Variants in BMAL1 observed in about 807,000 individuals in gnomAD.
BMAL1 encodes the protein basic helix-loop-helix ARNT-like protein 1.
chr11:13,319,443 C>G, the BMAL1 span, among the ~76,000 whole-genome samples: 2 of 152,162 alleles, frequency 1.3e-5, no homozygotes, highest in African/African-American at 4.8e-5. Flanking sequence ...AAAGGCTGTA[C>G]CAATTCATGC....
chr11:13,299,453 C>T, the BMAL1 span, among the ~76,000 whole-genome samples: 1 of 152,066 alleles, frequency 6.6e-6, no homozygotes, highest in Non-Finnish European at 1.5e-5. Flanking sequence ...AGAGCTGCCC[C>T]TGCCATACCT....
the BMAL1 span, among the ~76,000 whole-genome samples, chr11:13,303,397 T>C: frequency 2.0e-5 from 3 of 152,198 alleles, no homozygotes; most frequent in African/African-American, 7.2e-5. Flanking sequence ...TTATGCTATG[T>C]GGTAATGAGA....
chr11:13,311,180 G>C, the BMAL1 span, among the ~76,000 whole-genome samples: 3 of 152,238 alleles, frequency 2.0e-5, no homozygotes, highest in Non-Finnish European at 4.4e-5. Context: ...TCATCCATAA[G>C]AAATGTCCAG....
chr11:13,371,048 T>C, the BMAL1 span, among the ~76,000 whole-genome samples: 1 of 152,232 alleles, frequency 6.6e-6, no homozygotes, highest in Non-Finnish European at 1.5e-5. Context: ...TTATACTTGC[T>C]GTTATATAGT....
At chr11:13,349,329 G>T in the BMAL1 span, among the ~76,000 whole-genome samples, 3 of 152,316 alleles carry the variant, frequency 2.0e-5, no homozygotes, top group South Asian at 6.2e-4. Context: ...CATTGTTCTT[G>T]TTGTCTGGCT....
chr11:13,343,319 G>A, the BMAL1 span, among the ~76,000 whole-genome samples: 2 of 152,188 alleles, frequency 1.3e-5, no homozygotes, highest in Non-Finnish European at 2.9e-5. Context: ...CAGATGGTTC[G>A]TGGATATGTT....
At chr11:13,299,495 G>A in the BMAL1 span, among the ~76,000 whole-genome samples, 4 of 152,258 alleles carry the variant, frequency 2.6e-5, no homozygotes, top group South Asian at 6.2e-4. Context: ...TGCCTTGGGA[G>A]GCATGGTTAG....
chr11:13,366,525 G>A, the BMAL1 span: 1 of 758,480 alleles, frequency 1.3e-6, no homozygotes, highest in Non-Finnish European at 2.2e-6. Context: ...TTGGACATAT[G>A]TACAGGTTCA....
chr11:13,299,409 G>A, the BMAL1 span, among the ~76,000 whole-genome samples: 2 of 152,138 alleles, frequency 1.3e-5, no homozygotes, highest in Non-Finnish European at 2.9e-5. Flanking sequence ...TTGGTGAAGG[G>A]AGCACAGCTT....
the BMAL1 span, chr11:13,375,653 T>A: frequency 6.3e-7 from 1 of 1,591,316 alleles, no homozygotes; most frequent in Non-Finnish European, 8.5e-7. Flanking sequence ...TTGCTATAAA[T>A]TTAAAATCAA....
chr11:13,345,953 C>T, the BMAL1 span, among the ~76,000 whole-genome samples: 11 of 152,038 alleles, frequency 7.2e-5, no homozygotes, highest in Non-Finnish European at 1.2e-4. Context: ...TTGTCTGGGA[C>T]GGAGGGGTTT....
chr11:13,376,982 A>C, the BMAL1 span, among the ~76,000 whole-genome samples: 8 of 152,142 alleles, frequency 5.3e-5, no homozygotes, highest in Admixed American at 1.3e-4. Flanking sequence ...TTGAGCTCGC[A>C]AACTCCCTAC....
At chr11:13,382,317 G>A in the BMAL1 span, among the ~76,000 whole-genome samples, 1 of 152,212 alleles carries the variant, frequency 6.6e-6, no homozygotes, top group Non-Finnish European at 1.5e-5. Flanking sequence ...TTCGAAGCTT[G>A]GCCTTGCCAT....
the BMAL1 span, among the ~76,000 whole-genome samples, chr11:13,294,611 T>G: frequency 1.9e-4 from 29 of 152,230 alleles, no homozygotes; most frequent in African/African-American, 7.0e-4. Context: ...CTTCTGGAAA[T>G]CAAGAAACAA....
At chr11:13,314,806 G>A in the BMAL1 span, among the ~76,000 whole-genome samples, 2 of 152,134 alleles carry the variant, frequency 1.3e-5, no homozygotes, top group African/African-American at 4.8e-5. Flanking sequence ...TCATGGGGGT[G>A]CCTGAGGGCC....
chr11:13,278,749 C>T, the BMAL1 span, among the ~76,000 whole-genome samples: 14 of 152,234 alleles, frequency 9.2e-5, no homozygotes, highest in African/African-American at 3.4e-4. Flanking sequence ...GCCTTGGAGT[C>T]CCAGAGCTCC....
chr11:13,358,041 A>G, the BMAL1 span, among the ~76,000 whole-genome samples: 1 of 152,210 alleles, frequency 6.6e-6, no homozygotes, highest in Non-Finnish European at 1.5e-5. Context: ...GACCTCAGGG[A>G]CAGCCCACGG....
chr11:13,301,205 G>C, the BMAL1 span, among the ~76,000 whole-genome samples: 1 of 152,190 alleles, frequency 6.6e-6, no homozygotes, highest in Non-Finnish European at 1.5e-5. Context: ...AAAGTGTTGG[G>C]ATTACAGGCA....
At chr11:13,356,729 G>A in the BMAL1 span, 1 of 1,614,000 alleles carries the variant, frequency 6.2e-7, no homozygotes, top group Non-Finnish European at 8.5e-7. Flanking sequence ...ATTCTCTTTT[G>A]TTTTTTCAGA....
Sources: allele counts gnomAD v4.1 joint callset (sites outside exome capture counted in the v4.1 genomes callset), GRCh38; gene constraint gnomAD v4.1.1; transcripts MANE v1.5; gene names NCBI Gene and HGNC (gene_info 2026-07-23, HGNC 2026-07-21).